Variants in QKI observed in about 807,000 individuals in gnomAD.
The protein encoded by QKI is QKI, KH domain containing RNA binding, also known as KH domain-containing RNA-binding protein QKI.
A neutral mutation model predicts 39.0 loss-of-function variants in QKI; 10 were observed. That is an observed-to-expected ratio of 0.26 (90% CI 0.16 to 0.43). The LOEUF is 0.43. Ranked by LOEUF, QKI falls within the 20% of genes least tolerant of loss-of-function variation. The pLI is 1.00. For synonymous variants in QKI, 204 were observed against 155.4 expected (o/e 1.31, Z -2.33); for missense variants, 218 against 428.0 (o/e 0.51, Z 4.33).
chr6:163,415,605 G>A (rs550742113), intron 1 of QKI, among the ~76,000 whole-genome samples: 2 of 151,742 alleles, frequency 1.3e-5, no homozygotes, highest in Admixed American at 1.3e-4. Context: ...GGAGGGCTGC[G>A]GGGTGAGCCC....
chr6:163,504,285 G>C (rs566030263), intron 3 of QKI, among the ~76,000 whole-genome samples: 1 of 152,236 alleles, frequency 6.6e-6, no homozygotes, highest in South Asian at 2.1e-4. Flanking sequence ...TTGAAGTTGG[G>C]TAATGTGATA....
rs939963698 is a variant in QKI, at chr6:163,572,773, C to T, written c.*2063C>T. 1 of 149,116 alleles carries T rather than the reference C, an allele frequency of 6.7e-6. No individual in the cohort carries two copies. Among genetic ancestry groups the T allele is most frequent in the East Asian group, 2.0e-4 (1 of 5,006 alleles). The allele number at this position is 149,116 out of a possible 1,614,324, so 9.2% of individuals were successfully genotyped here. On this transcript the variant is annotated 3_prime_UTR_variant, in exon 8 of 8. Transcript: ENST00000361752. Reference sequence around the variant, plus strand: ...GCTGAGTCATTACCTTCTTGGTGACCTCCCCCACCATCTTGTCTCACTTGG... The same window carrying T: ...GCTGAGTCATTACCTTCTTGGTGACTTCCCCCACCATCTTGTCTCACTTGG...
intron 5 of QKI, 77 bp from the exon 6 acceptor site, chr6:163,563,343 T>C (rs1783147412): frequency 7.6e-7 from 1 of 1,313,732 alleles, no homozygotes; most frequent in South Asian, 1.5e-5. Flanking sequence ...CCTTTCTTTT[T>C]CCTACTCCCT....
At chr6:163,503,036 C>T (rs1476209469) in intron 3 of QKI, among the ~76,000 whole-genome samples, 1 of 151,952 alleles carries the variant, frequency 6.6e-6, no homozygotes, top group Non-Finnish European at 1.5e-5. Flanking sequence ...TTCGTAGTAG[C>T]CATTCTGACT....
chr6:163,476,556 C>A (rs1019902586), intron 2 of QKI, among the ~76,000 whole-genome samples: 2 of 152,124 alleles, frequency 1.3e-5, no homozygotes, highest in Non-Finnish European at 2.9e-5. Flanking sequence ...GAATTCTTTT[C>A]GTGGGTTATT....
intron 6 of QKI, chr6:163,565,214 T>C: frequency 1.0e-6 from 1 of 988,844 alleles, no homozygotes; most frequent in Non-Finnish European, 1.2e-6. Flanking sequence ...TGTAACCTTG[T>C]TGTTTAAGTT....
At chr6:163,426,738 A>T (rs1788435609) in intron 1 of QKI, among the ~76,000 whole-genome samples, 1 of 152,168 alleles carries the variant, frequency 6.6e-6, no homozygotes, top group Non-Finnish European at 1.5e-5. Context: ...GCGATTTTGA[A>T]GTGAGTTTCT....
At position 163,493,626 on chromosome 6, in the gene QKI, C is replaced by T. The variant is rs991017078; in HGVS notation, c.402+14730C>T. ...TCCAGCACTATAGGTGGGATTCCAC[C>T]ACTGAGGTGGGAGGATCATTTGAGC... On this transcript the variant is annotated intron_variant, in intron 3 of 7. Coordinates refer to ENST00000361752, the MANE Select transcript of QKI (RefSeq NM_006775.3). Among the ~76,000 whole-genome samples the T allele has an allele frequency of 3.9e-5, 6 of 152,216 alleles. No individual in the cohort carries two copies. The East Asian group carries it at 1.2e-3, about 29-fold the overall frequency.
At chr6:163,523,875 A>G (rs1335720940) in intron 3 of QKI, among the ~76,000 whole-genome samples, 1 of 152,216 alleles carries the variant, frequency 6.6e-6, no homozygotes, top group Non-Finnish European at 1.5e-5. Flanking sequence ...ACCATTATGT[A>G]CACTGGAATA....
intron 3 of QKI, among the ~76,000 whole-genome samples, chr6:163,486,015 G>C (rs1003636122): frequency 1.6e-4 from 25 of 152,354 alleles, no homozygotes; most frequent in Middle Eastern, 3.4e-3. Context: ...TTCCTGGGCC[G>C]CATGCGGCCT....
chr6:163,515,840 C>T (rs1339555430), intron 3 of QKI, among the ~76,000 whole-genome samples: 1 of 152,188 alleles, frequency 6.6e-6, no homozygotes, highest in East Asian at 1.9e-4. Flanking sequence ...ATTTAAGATA[C>T]AAAATAAGTC....
At chr6:163,525,546 A>T (rs970923135) in intron 3 of QKI, among the ~76,000 whole-genome samples, 1 of 151,990 alleles carries the variant, frequency 6.6e-6, no homozygotes, top group Non-Finnish European at 1.5e-5. Flanking sequence ...TTTAGTAGAG[A>T]TGGGGTTTTG....
At chr6:163,495,306 C>T (rs2128229826) in intron 3 of QKI, among the ~76,000 whole-genome samples, 1 of 152,288 alleles carries the variant, frequency 6.6e-6, no homozygotes, top group Non-Finnish European at 1.5e-5. Context: ...TGGGAACCAA[C>T]CCTGTATTTC....
In QKI at chr6:163,478,844, C is replaced by G; in HGVS notation, c.350C>G (p.Thr117Ser). Reference sequence around the variant, plus strand: ...ACAGCCAAACAACTTGAAGCAGAAACCGGATGTAAAATCATGGTCCGAGGC... The same window carrying G: ...ACAGCCAAACAACTTGAAGCAGAAAGCGGATGTAAAATCATGGTCCGAGGC... Reference protein sequence around the residue: ...GLTAKQLEAETGCKIMVRGKG... With the variant: ...GLTAKQLEAESGCKIMVRGKG... Residue 117 changes from threonine (T) to serine (S), a missense_variant, in exon 3 of 8, where the codon ACC (threonine) becomes AGC (serine). Thr to Ser is a moderately conservative substitution (Grantham distance 58). Around this residue, in one of 3 missense-constraint regions of QKI, gnomAD observed 61 missense variants for 193.3 expected, o/e 0.32. Coordinates refer to ENST00000361752, the MANE Select transcript of QKI (RefSeq NM_006775.3). 2 of 1,611,518 alleles carry G rather than the reference C, an allele frequency of 1.2e-6. No individual in the cohort carries two copies. The highest frequency in any genetic ancestry group is 1.7e-6 in the Non-Finnish European group (2 of 1,179,156).
At chr6:163,536,754 G>C (rs191452352) in intron 4 of QKI, among the ~76,000 whole-genome samples, 13 of 152,254 alleles carry the variant, frequency 8.5e-5, no homozygotes, top group African/African-American at 3.1e-4. Flanking sequence ...CTTCACTATA[G>C]AAATGCATAA....
chr6:163,446,120 T>C (rs1232754844), intron 1 of QKI, among the ~76,000 whole-genome samples: 1 of 152,234 alleles, frequency 6.6e-6, no homozygotes, highest in Non-Finnish European at 1.5e-5. Context: ...TTTGTTTGCA[T>C]TGATTTTTAC....
chr6:163,570,223 C>T lies in QKI; in HGVS notation c.1010-471C>T, dbSNP rs562214420. ...TTTCTTTAGATTCATTTCTGTTAATCATCAGTTATTAATAATCACATCCAT... is the reference window on the plus strand; with the variant it reads ...TTTCTTTAGATTCATTTCTGTTAATTATCAGTTATTAATAATCACATCCAT... On this transcript the variant is annotated intron_variant, in intron 7 of 7. Transcript: ENST00000361752. The T allele has an allele frequency of 1.5e-4, 145 of 982,344 alleles. No homozygotes were observed. The South Asian group carries it at 5.0e-3, about 34-fold the overall frequency. The allele number at this position is 982,344 out of a possible 1,614,324, so 60.9% of individuals were successfully genotyped here.
intron 1 of QKI, among the ~76,000 whole-genome samples, chr6:163,440,902 T>C (rs1471970154): frequency 7.2e-5 from 11 of 152,150 alleles, no homozygotes; most frequent in African/African-American, 2.4e-4. Flanking sequence ...TTATACTTTA[T>C]TCAGGTCAGT....
chr6:163,467,348 A>G (rs1270130391), intron 2 of QKI, among the ~76,000 whole-genome samples: 1 of 152,230 alleles, frequency 6.6e-6, no homozygotes, highest in Non-Finnish European at 1.5e-5. Context: ...TGTAAGTTGT[A>G]TGCAGCACAG....
Sources: gnomAD v4.1 joint callset for allele counts (sites outside exome capture counted in the v4.1 genomes callset) on GRCh38, gnomAD v4.1.1 for gene constraint, gnomAD v4.1.1 regional missense constraint, MANE v1.5 for transcripts, NCBI Gene and HGNC (gene_info 2026-07-23, HGNC 2026-07-21) for gene names.